Variants in UBTD2 observed in about 807,000 individuals in gnomAD.
UBTD2 encodes ubiquitin domain-containing protein 2.
Under a neutral mutation model 19.8 loss-of-function variants are expected in UBTD2, and 9 were observed. That is an observed-to-expected ratio of 0.46 (90% confidence interval 0.27 to 0.79). The LOEUF (loss-of-function observed/expected upper bound fraction) is 0.79, where lower values mean the gene tolerates loss of function less well. Among genes scored for constraint, UBTD2 ranks in the 30% least tolerant of loss-of-function variants. UBTD2 has a pLI of 0.14. For missense variants in UBTD2, 250 were observed against 300.4 expected, an observed-to-expected ratio of 0.83 and a Z score of 1.24; for synonymous variants, 98 against 103.9, an observed-to-expected ratio of 0.94 and a Z score of 0.35.
At chr5:172,242,455 C>T (rs1236253119) in intron 1 of UBTD2, 58 of 984,766 alleles carry the variant, frequency 5.9e-5, no homozygotes, top group Non-Finnish European at 6.6e-5. Flanking sequence ...CAGCTGGGGA[C>T]AGTTTTGCCC....
rs1771436791 is a variant in UBTD2, at chr5:172,211,239, G to A, written c.*591C>T. 6.6e-6 allele frequency: 1 copy of A among 152,292 alleles called. No individual in the cohort carries two copies. The highest frequency in any genetic ancestry group is 2.1e-4 in the South Asian group (1 of 4,828). The allele number at this position is 152,292 out of a possible 1,614,324, so 9.4% of individuals were successfully genotyped here. On this transcript the variant is annotated 3_prime_UTR_variant, in exon 3 of 3. Coordinates refer to ENST00000393792, the MANE Select transcript of UBTD2 (RefSeq NM_152277.3). ...TGGGGATGAGGAAAGCAACACTAAA[G>A]CACAATTTGCCAGTCTCTACTCATT...
At chr5:172,216,684 C>T (rs897910697) in intron 2 of UBTD2, among the ~76,000 whole-genome samples, 11 of 148,728 alleles carry the variant, frequency 7.4e-5, no homozygotes, top group African/African-American at 2.2e-4. Flanking sequence ...TGGCTGGGCG[C>T]GGTGGCTCAT....
chr5:172,275,893 T>C (rs1243648199), intron 1 of UBTD2, among the ~76,000 whole-genome samples: 2 of 152,230 alleles, frequency 1.3e-5, no homozygotes, highest in Non-Finnish European at 2.9e-5. Context: ...CTCGGGTTCA[T>C]AAACATGGTA....
intron 1 of UBTD2, among the ~76,000 whole-genome samples, chr5:172,250,427 A>G (rs149688026): frequency 8.5e-5 from 13 of 152,262 alleles, no homozygotes; most frequent in African/African-American, 2.9e-4. Context: ...TGAGGACACA[A>G]TTTACTTCTG....
intron 1 of UBTD2, among the ~76,000 whole-genome samples, chr5:172,247,941 C>T (rs761629482): frequency 6.6e-6 from 1 of 152,038 alleles, no homozygotes; most frequent in African/African-American, 2.4e-5. Context: ...CAAAACAAGT[C>T]TCAATAAACT....
At chr5:172,257,320 T>C (rs1354617636) in intron 1 of UBTD2, among the ~76,000 whole-genome samples, 2 of 152,234 alleles carry the variant, frequency 1.3e-5, no homozygotes, top group African/African-American at 4.8e-5. Context: ...ATGACCTCCT[T>C]CTTTTTATAG....
chr5:172,253,342 CATT>C (rs921242520), intron 1 of UBTD2, among the ~76,000 whole-genome samples: 1 of 152,130 alleles, frequency 6.6e-6, no homozygotes, highest in Non-Finnish European at 1.5e-5. Flanking sequence ...GAAACTTGCC[CATT>C]ATTAGCTGGG....
chr5:172,214,249 G>A (rs1294872231), intron 2 of UBTD2, among the ~76,000 whole-genome samples: 1 of 152,188 alleles, frequency 6.6e-6, no homozygotes, highest in Non-Finnish European at 1.5e-5. Context: ...TAATGAACCG[G>A]TATTTGTGTT....
intron 1 of UBTD2, among the ~76,000 whole-genome samples, chr5:172,257,503 T>C (rs564582667): frequency 1.3e-5 from 2 of 152,336 alleles, no homozygotes; most frequent in African/African-American, 4.8e-5. Context: ...ATATACCCAG[T>C]AATGGGATTC....
At position 172,283,511 on chromosome 5, in the gene UBTD2, G is replaced by T; in HGVS notation, c.70+85C>A. 2 of 1,100,966 alleles carry T rather than the reference G, an allele frequency of 1.8e-6. No individual in the cohort carries two copies. The highest frequency in any genetic ancestry group is 1.2e-6 in the Non-Finnish European group (1 of 864,560). 68.2% of individuals were successfully genotyped at this position (1,100,966 alleles called of 1,614,324 possible). The stretch of plus-strand genomic sequence containing the variant: ...GGATGACAAAGGGGCGCGGGGGCCC[G>T]GCGCGGCCCGCGGGGGTCGGGACAG... On this transcript the variant is annotated intron_variant, in intron 1 of 2. Coordinates refer to ENST00000393792, the MANE Select transcript of UBTD2 (RefSeq NM_152277.3). The surrounding 1 kb of genome is among the most constrained non-coding windows in gnomAD (Gnocchi z 4.3).
At chr5:172,227,294 AATAG>A (rs1311728917) in intron 2 of UBTD2, among the ~76,000 whole-genome samples, 4 of 152,222 alleles carry the variant, frequency 2.6e-5, no homozygotes, top group South Asian at 2.1e-4. Context: ...ACAGCAGAGG[AATAG>A]ATAAACTGGA....
chr5:172,277,362 A>G (rs1022910609), intron 1 of UBTD2, among the ~76,000 whole-genome samples: 1 of 152,184 alleles, frequency 6.6e-6, no homozygotes, highest in Non-Finnish European at 1.5e-5. Flanking sequence ...AACTGAAACT[A>G]GAAGCACAAG....
At chr5:172,269,694 T>C (rs1755445718) in intron 1 of UBTD2, among the ~76,000 whole-genome samples, 1 of 132,292 alleles carries the variant, frequency 7.6e-6, no homozygotes, top group Non-Finnish European at 1.6e-5. Flanking sequence ...AATTGGGAAC[T>C]AAGAGACACA....
chr5:172,213,547 AC>A (rs1353627180), intron 2 of UBTD2, among the ~76,000 whole-genome samples: 1 of 152,234 alleles, frequency 6.6e-6, no homozygotes, highest in African/African-American at 2.4e-5. Context: ...GGGAAAAAGC[AC>A]TCAAGGTTTT....
At chr5:172,216,925 C>T (rs1771554486) in intron 2 of UBTD2, among the ~76,000 whole-genome samples, 1 of 152,024 alleles carries the variant, frequency 6.6e-6, no homozygotes, top group Non-Finnish European at 1.5e-5. Flanking sequence ...GAGATTGTGT[C>T]ACTGTACTCC....
intron 2 of UBTD2, among the ~76,000 whole-genome samples, chr5:172,230,176 A>T (rs577981906): frequency 6.6e-6 from 1 of 152,184 alleles, no homozygotes; most frequent in Non-Finnish European, 1.5e-5. Flanking sequence ...CATAAAATTA[A>T]CAGGTAGTTA....
intron 1 of UBTD2, among the ~76,000 whole-genome samples, chr5:172,268,744 A>T (rs1217680326): frequency 6.6e-6 from 1 of 152,158 alleles, no homozygotes; most frequent in Non-Finnish European, 1.5e-5. Context: ...GTGAGACTCC[A>T]TCTTAAAAAA....
chr5:172,223,616 A>AAAAAAAG (rs1491065973), intron 2 of UBTD2, among the ~76,000 whole-genome samples: 1 of 136,028 alleles, frequency 7.4e-6, no homozygotes, highest in African/African-American at 2.8e-5. Context: ...AAAAAAAAAA[A>AAAAAAAG]AGCACACTTA....
intron 1 of UBTD2, among the ~76,000 whole-genome samples, chr5:172,250,085 T>C (rs1754963931): frequency 6.6e-6 from 1 of 151,892 alleles, no homozygotes; most frequent in South Asian, 2.1e-4. Flanking sequence ...TAGCTGGGCG[T>C]GGTGGTGGGT....
Sources: gnomAD v4.1 joint callset for allele counts (sites outside exome capture counted in the v4.1 genomes callset) on GRCh38, gnomAD v4.1.1 for gene constraint, Gnocchi (gnomAD v3.1) non-coding constraint, MANE v1.5 for transcripts, NCBI Gene and HGNC (gene_info 2026-07-23, HGNC 2026-07-21) for gene names.